Variants in SNX6 observed in about 807,000 individuals in gnomAD.
The protein encoded by SNX6 is sorting nexin-6.
SNX6 carries 34 observed loss-of-function variants against 63.0 expected under a neutral mutation model. The observed-to-expected ratio is 0.54, with a 90% CI of 0.41 to 0.72. SNX6 has a LOEUF of 0.72. Among genes scored for constraint, SNX6 ranks in the 30% least tolerant of loss-of-function variants. The probability of loss-of-function intolerance (pLI) is 0.00; values close to 1 mark genes in which losing one functional copy is unlikely to be tolerated. For missense variants in SNX6, 398 were observed against 471.4 expected (o/e 0.84, Z 1.44); for synonymous variants, 170 against 164.2 (o/e 1.04, Z -0.27).
intron 10 of SNX6, among the ~76,000 whole-genome samples, chr14:34,576,479 T>A (rs1305899597): frequency 1.3e-5 from 2 of 150,842 alleles, no homozygotes; most frequent in Non-Finnish European, 3.0e-5. Flanking sequence ...GACAGAGTCT[T>A]ACTCTGTCAC....
chr14:34,587,407 C>T (rs1882214025), intron 8 of SNX6, among the ~76,000 whole-genome samples: 1 of 151,574 alleles, frequency 6.6e-6, no homozygotes, highest in Non-Finnish European at 1.5e-5. Context: ...GTGGCAGGCA[C>T]CTGTAGTCCT....
At chr14:34,591,772 T>C (rs1048927471) in intron 8 of SNX6, among the ~76,000 whole-genome samples, 5 of 152,212 alleles carry the variant, frequency 3.3e-5, no homozygotes, top group Non-Finnish European at 5.9e-5. Flanking sequence ...AAATAACTGA[T>C]GGATTTTTGG....
chr14:34,605,812 A>G, intron 4 of SNX6, 95 bp from the exon 5 acceptor site: 1 of 1,453,846 alleles, frequency 6.9e-7, no homozygotes, highest in African/African-American at 1.4e-5. Flanking sequence ...GGGAAAGCTA[A>G]GGGGATCCAG....
intron 2 of SNX6, among the ~76,000 whole-genome samples, chr14:34,624,337 G>A (rs1331114611): frequency 1.3e-5 from 2 of 152,142 alleles, no homozygotes; most frequent in Non-Finnish European, 2.9e-5. Flanking sequence ...CTGACCTCAG[G>A]TGATCTGCCC....
chr14:34,580,095 C>T (rs965502349), intron 10 of SNX6, among the ~76,000 whole-genome samples: 1 of 152,150 alleles, frequency 6.6e-6, no homozygotes, highest in Non-Finnish European at 1.5e-5. Flanking sequence ...AAGAGAATCG[C>T]TTGAACCTGG....
At chr14:34,609,830 AATAAC>A (rs1883156998) in intron 2 of SNX6, 88 bp from the exon 3 acceptor site, 1 of 856,358 alleles carries the variant, frequency 1.2e-6, no homozygotes, top group Non-Finnish European at 1.9e-6. Context: ...ACAAAACAAA[AATAAC>A]AAAAGATTAT....
chr14:34,603,934 C>T (rs1162838538), intron 5 of SNX6, among the ~76,000 whole-genome samples: 2 of 151,722 alleles, frequency 1.3e-5, no homozygotes, highest in African/African-American at 2.4e-5. Flanking sequence ...CCCAAACACA[C>T]AAGAAACACA....
At chr14:34,582,421 C>G (rs950833541) in intron 9 of SNX6, among the ~76,000 whole-genome samples, 1 of 151,862 alleles carries the variant, frequency 6.6e-6, no homozygotes, top group Non-Finnish European at 1.5e-5. Flanking sequence ...AGCCCAGGCT[C>G]GTCTTGGACT....
intron 11 of SNX6, chr14:34,568,906 G>A (rs1180943828): frequency 4.0e-6 from 5 of 1,256,270 alleles, no homozygotes; most frequent in Middle Eastern, 1.9e-4. Context: ...CTTGGTCATG[G>A]AGCCAACCCC....
At chr14:34,592,365 G>A (rs565801510) in intron 8 of SNX6, among the ~76,000 whole-genome samples, 3 of 152,030 alleles carry the variant, frequency 2.0e-5, no homozygotes, top group Non-Finnish European at 4.4e-5. Flanking sequence ...CTCCAGCCTG[G>A]GCGATAGAGA....
rs531997024 is a variant in SNX6, at chr14:34,569,132, T to C, written c.922-1119A>G. On this transcript the variant is annotated intron_variant, in intron 11 of 13. Transcript: ENST00000362031. ...TCTTTTACAGTAACTCCAGGCATCA[T>C]GCGGCCCGGCCTGTGCACTGCCAGC... 8.2e-6 allele frequency: 7 copies of C among 851,022 alleles called. No individual in the cohort carries two copies. In the East Asian group the frequency reaches 9.7e-5, roughly 12 times the overall value. 52.7% of individuals were successfully genotyped at this position (851,022 alleles called of 1,614,324 possible).
chr14:34,615,702 C>A (rs1406881559), intron 2 of SNX6, among the ~76,000 whole-genome samples: 2 of 152,032 alleles, frequency 1.3e-5, no homozygotes, highest in Non-Finnish European at 2.9e-5. Flanking sequence ...TACTGTCAAA[C>A]TCCTGGCTTA....
intron 6 of SNX6, among the ~76,000 whole-genome samples, chr14:34,602,590 CA>C (rs200915421): frequency 0.033 from 3,770 of 115,928 alleles, 126 homozygotes; most frequent in African/African-American, 0.1. Flanking sequence ...GACTCTGTCT[CA>C]AAAAAAAAAA....
intron 9 of SNX6, among the ~76,000 whole-genome samples, chr14:34,585,597 A>G (rs1882119379): frequency 6.6e-6 from 1 of 152,002 alleles, no homozygotes; most frequent in African/African-American, 2.4e-5. Context: ...TGCTTTATTT[A>G]TATTTCATAT....
intron 2 of SNX6, among the ~76,000 whole-genome samples, chr14:34,613,619 C>G: frequency 6.6e-6 from 1 of 151,752 alleles, no homozygotes; most frequent in South Asian, 2.1e-4. Flanking sequence ...AGTGAAACCC[C>G]GTCTCTACTA....
At chr14:34,601,511 C>T (rs887947574) in intron 6 of SNX6, among the ~76,000 whole-genome samples, 2 of 151,792 alleles carry the variant, frequency 1.3e-5, no homozygotes, top group Non-Finnish European at 1.5e-5. Context: ...GCTGAGCCAC[C>T]GTGCCTGGCT....
At chr14:34,572,971 C>T (rs999220407) in intron 11 of SNX6, among the ~76,000 whole-genome samples, 2 of 151,808 alleles carry the variant, frequency 1.3e-5, no homozygotes, top group Non-Finnish European at 2.9e-5. Flanking sequence ...TGTGAGCCAC[C>T]GCACCTGGCC....
intron 13 of SNX6, among the ~76,000 whole-genome samples, chr14:34,565,361 G>A (rs1373575303): frequency 2.0e-5 from 3 of 151,292 alleles, no homozygotes; most frequent in South Asian, 2.1e-4. Flanking sequence ...ACAGGCGTGA[G>A]CCACCGCGCC....
chr14:34,621,951 C>CTTTTTTTTT lies in SNX6; in HGVS notation c.54+7947_54+7955dup, dbSNP rs1037764907. On this transcript the variant is annotated intron_variant, in intron 2 of 13. Coordinates refer to ENST00000362031, the MANE Select transcript of SNX6 (RefSeq NM_152233.4). ...GTTTTTTCACCTGGGCATGTCTTTCCTTTTTTTTTTTTTTTTTTTTTTTTG... is the reference window on the plus strand; with the variant it reads ...GTTTTTTCACCTGGGCATGTCTTTCCTTTTTTTTTTTTTTTTTTTTTTTTTTTTTTTTTG... Among the ~76,000 whole-genome samples, 43 of 77,420 alleles carry CTTTTTTTTT rather than the reference C, an allele frequency of 5.6e-4. 1 individual carries two copies. Among genetic ancestry groups the CTTTTTTTTT allele is most frequent in the African/African-American group, 7.5e-4 (13 of 17,380 alleles). 50.8% of individuals were successfully genotyped at this position (77,420 alleles called of 152,430 possible).
Sources: allele counts gnomAD v4.1 joint callset (sites outside exome capture counted in the v4.1 genomes callset), GRCh38; gene constraint gnomAD v4.1.1; transcripts MANE v1.5; gene names NCBI Gene and HGNC (gene_info 2026-07-23, HGNC 2026-07-21).